RALYL: variants seen among roughly 807,000 people sequenced by gnomAD.
RALYL encodes RNA-binding Raly-like protein.
RALYL carries 29 observed loss-of-function variants against 35.1 expected under a neutral mutation model. The observed-to-expected ratio is 0.83, with a 90% CI of 0.61 to 1.13. The LOEUF is 1.13. RALYL is among the 50% of genes most tolerant of loss of function. RALYL has a pLI of 0.00. For synonymous variants in RALYL, 120 were observed against 127.6 expected (o/e 0.94, Z 0.40); for missense variants, 359 against 360.4 (o/e 1.00, Z 0.03).
At chr8:84,198,133 A>G (rs1815864638) in intron 1 of RALYL, among the ~76,000 whole-genome samples, 1 of 152,214 alleles carries the variant, frequency 6.6e-6, no homozygotes. Context: ...AGGAACTTTC[A>G]CTACAATTCA....
chr8:84,575,310 G>A (rs1006491970), intron 2 of RALYL, among the ~76,000 whole-genome samples: 3 of 152,088 alleles, frequency 2.0e-5, no homozygotes, highest in African/African-American at 7.2e-5. Context: ...TGTTTTATAT[G>A]AAATAGTGAA....
At chr8:84,702,287 C>T (rs528353912) in intron 2 of RALYL, among the ~76,000 whole-genome samples, 1 of 152,200 alleles carries the variant, frequency 6.6e-6, no homozygotes, top group South Asian at 2.1e-4. Context: ...AGGTAAGTTT[C>T]CCCTAGAAGC....
intron 1 of RALYL, among the ~76,000 whole-genome samples, chr8:84,414,777 T>A (rs1295526997): frequency 6.6e-6 from 1 of 152,174 alleles, no homozygotes; most frequent in African/African-American, 2.4e-5. Context: ...TTTCCTCAAT[T>A]ATAAAAATAT....
At chr8:84,193,042 A>G (rs1039075189) in intron 1 of RALYL, among the ~76,000 whole-genome samples, 7 of 152,098 alleles carry the variant, frequency 4.6e-5, no homozygotes, top group African/African-American at 1.7e-4. Context: ...TCGTAAGGAA[A>G]GTTGAATAGT....
intron 4 of RALYL, among the ~76,000 whole-genome samples, chr8:84,843,975 G>C (rs567707953): frequency 6.6e-6 from 1 of 152,166 alleles, no homozygotes; most frequent in Admixed American, 6.5e-5. Context: ...ATTCAAGATG[G>C]ATTAAAGACT....
intron 1 of RALYL, among the ~76,000 whole-genome samples, chr8:84,449,417 A>ACCCCT (rs1203932893): frequency 6.6e-6 from 1 of 150,726 alleles, no homozygotes; most frequent in Non-Finnish European, 1.5e-5. Context: ...GTCTCTTAAA[A>ACCCCT]CCCCTTTCAT....
At chr8:84,489,146 AG>A (rs1392411372) in intron 1 of RALYL, among the ~76,000 whole-genome samples, 2 of 152,046 alleles carry the variant, frequency 1.3e-5, no homozygotes, top group Non-Finnish European at 2.9e-5. Context: ...ATGAGCATAA[AG>A]GAATGTTTCA....
At chr8:84,310,474 G>A (rs1270772327) in intron 1 of RALYL, among the ~76,000 whole-genome samples, 1 of 151,806 alleles carries the variant, frequency 6.6e-6, no homozygotes, top group African/African-American at 2.4e-5. Context: ...AAAGAAAAAT[G>A]GAAAACGGCA....
At chr8:84,641,414 A>G (rs1032784497) in intron 2 of RALYL, among the ~76,000 whole-genome samples, 4 of 151,720 alleles carry the variant, frequency 2.6e-5, no homozygotes, top group Admixed American at 2.0e-4. Flanking sequence ...CCATTCCACT[A>G]TTTTAGAAAC....
At chr8:84,331,738 G>GTCTTAAGCAGGTCAGTATATAATTC (rs1174567149) in intron 1 of RALYL, among the ~76,000 whole-genome samples, 24 of 151,984 alleles carry the variant, frequency 1.6e-4, no homozygotes, top group African/African-American at 5.8e-4. Context: ...GTATATAATT[G>GTCTTAAGCAGGTCAGTATATAATTC]TCTTATTTTC....
At chr8:84,277,570 A>G (rs190695955) in intron 1 of RALYL, among the ~76,000 whole-genome samples, 64 of 152,346 alleles carry the variant, frequency 4.2e-4, no homozygotes, top group African/African-American at 1.5e-3. Context: ...CCAAAGTCAC[A>G]TCTGAGACAA....
At chr8:84,750,627 A>C (rs1346920362) in intron 2 of RALYL, among the ~76,000 whole-genome samples, 2 of 152,184 alleles carry the variant, frequency 1.3e-5, no homozygotes, top group Non-Finnish European at 2.9e-5. Context: ...TGCTCTTATG[A>C]ATGGACTAAT....
intron 1 of RALYL, among the ~76,000 whole-genome samples, chr8:84,381,445 A>G (rs1857980035): frequency 6.6e-6 from 1 of 151,804 alleles, no homozygotes; most frequent in Admixed American, 6.6e-5. Flanking sequence ...CAGTTTCTCC[A>G]TCTTTCCACC....
intron 5 of RALYL, among the ~76,000 whole-genome samples, chr8:84,851,951 G>T (rs1835938739): frequency 6.6e-6 from 1 of 152,170 alleles, no homozygotes; most frequent in Non-Finnish European, 1.5e-5. Flanking sequence ...ACAATGTTCA[G>T]TTTTGCTTAT....
rs186216152 is a variant in RALYL, at chr8:84,510,388, T to A, written c.-23-18911T>A. 5.1e-3 allele frequency among the ~76,000 whole-genome samples: 777 copies of A among 152,316 alleles called. 8 individuals carry two copies. Among genetic ancestry groups the A allele is most frequent in the African/African-American group, 0.018 (731 of 41,560 alleles). On this transcript the variant is annotated intron_variant, in intron 1 of 8. Transcript: ENST00000521268. ...TGTAGCTTTACTTGATATGTGTCCA[T>A]CTGTGAGTCTCAATACTCCACAAAG... is the stretch of plus-strand genomic sequence containing the variant.
intron 2 of RALYL, among the ~76,000 whole-genome samples, chr8:84,752,581 G>A (rs1181772277): frequency 6.6e-6 from 1 of 152,066 alleles, no homozygotes; most frequent in Non-Finnish European, 1.5e-5. Context: ...TCCCACTAGG[G>A]AGGAGGTAAA....
chr8:84,713,978 T>C (rs1457589792), intron 2 of RALYL, among the ~76,000 whole-genome samples: 1 of 151,482 alleles, frequency 6.6e-6, no homozygotes, highest in Non-Finnish European at 1.5e-5. Flanking sequence ...ATTAAAAATA[T>C]GATTATATGA....
chr8:84,425,122 G>C (rs1348401363), intron 1 of RALYL, among the ~76,000 whole-genome samples: 1 of 152,330 alleles, frequency 6.6e-6, no homozygotes, highest in East Asian at 1.9e-4. Flanking sequence ...AGCAAGCCTG[G>C]GCAATGGCGG....
chr8:84,650,856 A>T (rs1005540221), intron 2 of RALYL, among the ~76,000 whole-genome samples: 1 of 152,268 alleles, frequency 6.6e-6, no homozygotes, highest in Admixed American at 6.5e-5. Flanking sequence ...GATTAAGAAA[A>T]TGTGGCACAT....
Sources: allele counts gnomAD v4.1 joint callset (sites outside exome capture counted in the v4.1 genomes callset), GRCh38; gene constraint gnomAD v4.1.1; transcripts MANE v1.5; gene names NCBI Gene and HGNC (gene_info 2026-07-23, HGNC 2026-07-21).